Variants in SERINC3 observed in about 807,000 individuals in gnomAD.
SERINC3 encodes the protein tumor differentially expressed protein 1.
Under a neutral mutation model 52.1 loss-of-function variants are expected in SERINC3, and 22 were observed. The ratio of observed to expected loss-of-function variants is 0.42; its 90% confidence interval spans 0.30 to 0.60. The LOEUF (loss-of-function observed/expected upper bound fraction) is 0.60. Ranked by LOEUF, SERINC3 falls within the 20% of genes least tolerant of loss-of-function variation. The pLI is 0.16. For missense variants in SERINC3, 564 were observed against 584.6 expected, an observed-to-expected ratio of 0.96 and a Z score of 0.36; for synonymous variants, 226 against 212.7, an observed-to-expected ratio of 1.06 and a Z score of -0.54.
At chr20:44,521,356 G>C (rs2064415161) in intron 1 of SERINC3, among the ~76,000 whole-genome samples, 1 of 152,158 alleles carries the variant, frequency 6.6e-6, no homozygotes, top group African/African-American at 2.4e-5. Context: ...GATTATCCTC[G>C]GATAAATGAC....
chr20:44,501,331 GA>G (rs1204778674), intron 8 of SERINC3, 31 bp from the exon 9 acceptor site: 1 of 1,575,950 alleles, frequency 6.3e-7, no homozygotes, highest in Admixed American at 1.7e-5. Flanking sequence ...AGACAAATCA[GA>G]AAGGGGCCAT....
intron 1 of SERINC3, among the ~76,000 whole-genome samples, chr20:44,518,829 TG>T (rs2064397491): frequency 6.6e-6 from 1 of 152,078 alleles, no homozygotes; most frequent in Non-Finnish European, 1.5e-5. Flanking sequence ...CCAGGCGTGG[TG>T]GCACATGCCT....
intron 2 of SERINC3, among the ~76,000 whole-genome samples, chr20:44,513,430 G>C (rs898977789): frequency 6.6e-6 from 1 of 152,156 alleles, no homozygotes; most frequent in Non-Finnish European, 1.5e-5. Context: ...AGGTTGCAGT[G>C]AGCCAAGATC....
chr20:44,515,600 C>G (rs191603633), intron 1 of SERINC3, among the ~76,000 whole-genome samples: 66 of 151,794 alleles, frequency 4.3e-4, no homozygotes, highest in African/African-American at 1.5e-3. Context: ...ACGAACTAGA[C>G]AGATGTGATG....
chr20:44,501,758 A>G (rs1014463496), intron 8 of SERINC3, among the ~76,000 whole-genome samples: 3 of 152,218 alleles, frequency 2.0e-5, no homozygotes, highest in Admixed American at 6.5e-5. Context: ...GCCACTGCAC[A>G]TATCACTCCT....
chr20:44,506,637 G>A (rs200571807), intron 6 of SERINC3, among the ~76,000 whole-genome samples, 190 bp downstream of exon 6: 1 of 138,394 alleles, frequency 7.2e-6, no homozygotes, highest in Non-Finnish European at 1.5e-5. Context: ...AGTTACCTGG[G>A]TTTTTTTTTA....
At chr20:44,510,484 T>G (rs945096069) in intron 4 of SERINC3, among the ~76,000 whole-genome samples, 24 of 152,128 alleles carry the variant, frequency 1.6e-4, no homozygotes, top group Admixed American at 5.2e-4. Context: ...ATCTGAGAGG[T>G]GCAGTGAATG....
downstream of SERINC3, among the ~76,000 whole-genome samples, chr20:44,497,180 A>G (rs16989135): frequency 0.17 from 25,912 of 152,228 alleles, 2,828 homozygotes; most frequent in African/African-American, 0.31. Flanking sequence ...TCTGGAATGA[A>G]AGGCCACCCT....
chr20:44,500,292 A>G lies in SERINC3; in HGVS notation c.*4T>C, dbSNP rs749819167. 1 of 1,611,274 alleles carries G rather than the reference A, an allele frequency of 6.2e-7. No individual in the cohort carries two copies. The highest frequency in any genetic ancestry group is 8.5e-7 in the Non-Finnish European group (1 of 1,178,674). On this transcript the variant is annotated 3_prime_UTR_variant, in exon 10 of 10. Coordinates refer to ENST00000342374, the MANE Select transcript of SERINC3 (RefSeq NM_006811.4). ...TTCCAGTGGTGTCCTTGGCACTCAGAGGTTCAGCTGAAGTCCCGACTGGTG... is the reference window on the plus strand; with the variant it reads ...TTCCAGTGGTGTCCTTGGCACTCAGGGGTTCAGCTGAAGTCCCGACTGGTG...
chr20:44,500,536 C>T (rs2064273132), intron 9 of SERINC3, 102 bp from the exon 10 acceptor site: 1 of 1,372,174 alleles, frequency 7.3e-7, no homozygotes, highest in Non-Finnish European at 1.0e-6. Context: ...TCCAGTGAAA[C>T]TTGGCTGGCA....
intron 1 of SERINC3, among the ~76,000 whole-genome samples, chr20:44,514,609 A>C (rs2064368598): frequency 6.6e-6 from 1 of 151,702 alleles, no homozygotes; most frequent in Admixed American, 6.6e-5. Flanking sequence ...AATACAGAAA[A>C]AATTAGCCGG....
Position 44,498,499 on chromosome 20 carries a change from C to A in SERINC3, c.*1797G>T, listed in dbSNP as rs532252310. ...GCTGAGGCGGGAGAATGGCGTGAAC[C>A]CGGGAGGCGGAGCCTGCAGTGAGCG... On this transcript the variant is annotated 3_prime_UTR_variant, in exon 10 of 10. Transcript: ENST00000342374. 6.6e-6 allele frequency: 1 copy of A among 152,242 alleles called. No homozygotes were observed. The highest frequency in any genetic ancestry group is 2.1e-4 in the South Asian group (1 of 4,824). 9.4% of individuals were successfully genotyped at this position (152,242 alleles called of 1,614,324 possible). A position where few individuals can be genotyped will look rare whatever the true frequency, so the allele number is the denominator to read the frequency against.
At chr20:44,516,327 T>C (rs564141576) in intron 1 of SERINC3, among the ~76,000 whole-genome samples, 2 of 152,254 alleles carry the variant, frequency 1.3e-5, no homozygotes, top group East Asian at 1.9e-4. Context: ...CCTAGATCTT[T>C]AGTCTGCTAA....
intron 3 of SERINC3, among the ~76,000 whole-genome samples, chr20:44,511,973 G>A (rs913303355): frequency 4.6e-5 from 7 of 152,148 alleles, no homozygotes; most frequent in African/African-American, 1.4e-4. Flanking sequence ...GTAAAAAGGG[G>A]ATTATAATAC....
chr20:44,516,754 G>T (rs1406296862), intron 1 of SERINC3, among the ~76,000 whole-genome samples: 1 of 152,128 alleles, frequency 6.6e-6, no homozygotes, highest in Admixed American at 6.5e-5. Context: ...GAGTACAGTT[G>T]TGTGATCACA....
At chr20:44,510,953 G>A (rs767031268) in intron 4 of SERINC3, among the ~76,000 whole-genome samples, 3 of 151,432 alleles carry the variant, frequency 2.0e-5, no homozygotes, top group African/African-American at 4.9e-5. Context: ...TTGATCTGTC[G>A]CCCAGGCTGG....
chr20:44,506,299 A>AAAAG, intron 6 of SERINC3, among the ~76,000 whole-genome samples: 1 of 150,082 alleles, frequency 6.7e-6, no homozygotes, highest in African/African-American at 2.5e-5. Context: ...AAAAAAAAAA[A>AAAAG]AGACTCATTC....
chr20:44,501,492 A>T (rs1407783719), intron 8 of SERINC3, among the ~76,000 whole-genome samples, 192 bp from the exon 9 acceptor site: 1 of 152,208 alleles, frequency 6.6e-6, no homozygotes, highest in Non-Finnish European at 1.5e-5. Context: ...ATCAGTTACT[A>T]CTTGATGTGA....
At chr20:44,517,577 A>G (rs2064388243) in intron 1 of SERINC3, among the ~76,000 whole-genome samples, 1 of 151,792 alleles carries the variant, frequency 6.6e-6, no homozygotes. Flanking sequence ...AAAGACTGCC[A>G]GCAAACCAAA....
Sources: gnomAD v4.1 joint callset for allele counts (sites outside exome capture counted in the v4.1 genomes callset) on GRCh38, gnomAD v4.1.1 for gene constraint, MANE v1.5 for transcripts, NCBI Gene and HGNC (gene_info 2026-07-23, HGNC 2026-07-21) for gene names.